Variants in PLAA observed in about 807,000 individuals in gnomAD.
PLAA encodes the protein phospholipase A-2-activating protein.
Under a neutral mutation model 84.1 loss-of-function variants are expected in PLAA, and 48 were observed. The ratio of observed to expected loss-of-function variants is 0.57; its 90% CI spans 0.45 to 0.73. The LOEUF (loss-of-function observed/expected upper bound fraction) is 0.73. Ranked by LOEUF, PLAA falls within the 30% of genes least tolerant of loss-of-function variation. The pLI is 0.00. For missense variants in PLAA, 903 were observed against 954.7 expected, an observed-to-expected ratio of 0.95 and a Z score of 0.71; for synonymous variants, 392 against 336.6, an observed-to-expected ratio of 1.16 and a Z score of -1.80.
Position 26,947,091 on chromosome 9 carries a change from C to T in PLAA, c.-46G>A. The T allele has an allele frequency of 1.4e-6, 2 of 1,474,016 alleles. No individual in the cohort carries two copies. The highest frequency in any genetic ancestry group is 1.4e-5 in the South Asian group (1 of 73,882). The allele number at this position is 1,474,016 out of a possible 1,614,324, so 91.3% of individuals were successfully genotyped here. On this transcript the variant is annotated 5_prime_UTR_variant, in exon 1 of 14. Transcript: ENST00000397292. ...CCGGTGCCCAGGCACTGTGCGAGAC[C>T]AGTCCGCAGGGGCGACTCGGAGAGC... is the stretch of plus-strand genomic sequence containing the variant.
Position 26,905,167 on chromosome 9 carries a change from T to G in PLAA, c.*344A>C, listed in dbSNP as rs569829672. 9.7e-6 allele frequency: 2 copies of G among 205,412 alleles called. No individual in the cohort carries two copies. The highest frequency in any genetic ancestry group is 4.7e-5 in the African/African-American group (2 of 42,788). The allele number at this position is 205,412 out of a possible 1,614,324, so 12.7% of individuals were successfully genotyped here. A position where few individuals can be genotyped will look rare whatever the true frequency, so the allele number is the denominator to read the frequency against. ...ATAAAAGATAATTGACAACAACAGT[T>G]TGGTGTACATTAAGTAATAAAAGCA... On this transcript the variant is annotated 3_prime_UTR_variant, in exon 14 of 14. Coordinates refer to ENST00000397292, the MANE Select transcript of PLAA (RefSeq NM_001031689.3).
chr9:26,926,435 T>C lies in PLAA; in HGVS notation c.691A>G (p.Thr231Ala). 1 of 1,609,298 alleles carries C rather than the reference T, an allele frequency of 6.2e-7. No homozygotes were observed. The highest frequency in any genetic ancestry group is 8.5e-7 in the Non-Finnish European group (1 of 1,175,866). The change falls in exon 5 of 14, where the codon ACA becomes GCA. Residue 231 changes from threonine (T) to alanine (A), a missense_variant. Thr to Ala is a moderately conservative substitution (Grantham distance 58, BLOSUM62 0). Coordinates refer to ENST00000397292, the MANE Select transcript of PLAA (RefSeq NM_001031689.3). ...ACGGATATGCTATAAATATAATTTG[T>C]ATGTCCATAATATACTTCAAGACAC... ...GECLEVYYGH[T>A]NYIYSISVFP...
At chr9:26,913,376 A>T (rs906227617) in intron 11 of PLAA, among the ~76,000 whole-genome samples, 1 of 152,192 alleles carries the variant, frequency 6.6e-6, no homozygotes, top group African/African-American at 2.4e-5. Flanking sequence ...TGCTCAGAAG[A>T]ACTATAGCTA....
chr9:26,914,621 C>T (rs1332839489), intron 10 of PLAA, among the ~76,000 whole-genome samples: 2 of 150,262 alleles, frequency 1.3e-5, no homozygotes, highest in Non-Finnish European at 3.0e-5. Context: ...ATGAGAAACA[C>T]AGAATAAATG....
At position 26,935,830 on chromosome 9, in the gene PLAA, T is replaced by G. The variant is rs1825340653; in HGVS notation, c.150-624A>C. 2.0e-5 allele frequency among the ~76,000 whole-genome samples: 3 copies of G among 151,116 alleles called. No individual in the cohort carries two copies. The South Asian group carries it at 6.2e-4, about 31-fold the overall frequency. On this transcript the variant is annotated intron_variant, in intron 1 of 13. Coordinates refer to ENST00000397292, the MANE Select transcript of PLAA (RefSeq NM_001031689.3). The stretch of plus-strand genomic sequence containing the variant: ...AAAAAAACCCCACCTAATACAGAAA[T>G]ATATAAATGGCTAGAGTAATATTAT...
In PLAA at chr9:26,904,833, A is replaced by G. The variant is rs1428939141; in HGVS notation, c.*678T>C. On this transcript the variant is annotated 3_prime_UTR_variant, in exon 14 of 14. Transcript: ENST00000397292. ...AAAAATGAAGTTACCTCAAATAGTG[A>G]AGGGCAAAAGAAACTGGATCTAAGC... The G allele has an allele frequency of 1.3e-5, 2 of 152,412 alleles. No homozygotes were observed. The highest frequency in any genetic ancestry group is 1.9e-4 in the East Asian group (1 of 5,198). 9.4% of individuals were successfully genotyped at this position (152,412 alleles called of 1,614,324 possible).
intron 13 of PLAA, among the ~76,000 whole-genome samples, chr9:26,906,433 T>C (rs576953569): frequency 1.3e-5 from 2 of 148,390 alleles, no homozygotes; most frequent in East Asian, 4.0e-4. Flanking sequence ...CTTTTTTTTT[T>C]TTTTTTTTTT....
At chr9:26,920,452 A>C in intron 7 of PLAA, 68 bp from the exon 8 acceptor site, 1 of 1,034,754 alleles carries the variant, frequency 9.7e-7, no homozygotes, top group Non-Finnish European at 1.4e-6. Flanking sequence ...TTTAAATAGA[A>C]AATTCTTAAC....
intron 2 of PLAA, among the ~76,000 whole-genome samples, chr9:26,929,320 A>G (rs10757634): frequency 0.33 from 50,369 of 151,870 alleles, 9,627 homozygotes; most frequent in East Asian, 0.7. Context: ...GTGAGACTCC[A>G]GCTCTAAAAC....
chr9:26,931,655 G>A (rs533626990), intron 2 of PLAA, among the ~76,000 whole-genome samples: 1 of 152,104 alleles, frequency 6.6e-6, no homozygotes, highest in South Asian at 2.1e-4. Context: ...AAGGAAACAA[G>A]GCTTTAACCA....
At position 26,905,610 on chromosome 9, in the gene PLAA, G is replaced by A; in HGVS notation, c.2289C>T (p.Ala763=). The change falls in exon 14 of 14, where the codon GCC becomes GCT. Residue 763 remains alanine, a synonymous_variant. Transcript: ENST00000397292. ...ISDDSNAVQL[A]KSLGVDSQIK... ...TTTGAGAATCAACACCTAAAGACTT[G>A]GCTAATTGTACAGCATTTGAATCAT... The A allele has an allele frequency of 6.2e-7, 1 of 1,613,880 alleles. No homozygotes were observed. Among genetic ancestry groups the A allele is most frequent in the East Asian group, 2.2e-5 (1 of 44,868 alleles).
chr9:26,905,069 G>C lies in PLAA; in HGVS notation c.*442C>G, dbSNP rs1348758737. The C allele has an allele frequency of 6.6e-6, 1 of 152,282 alleles. No homozygotes were observed. 9.4% of individuals were successfully genotyped at this position (152,282 alleles called of 1,614,324 possible). A position where few individuals can be genotyped will look rare whatever the true frequency, so the allele number is the denominator to read the frequency against. ...ATATAATTTAAAAAATTTTAAAGTA[G>C]TTATCCTAAAACAAGACCTTGAAAT... On this transcript the variant is annotated 3_prime_UTR_variant, in exon 14 of 14. Coordinates refer to ENST00000397292, the MANE Select transcript of PLAA (RefSeq NM_001031689.3).
intron 7 of PLAA, 22 bp from the exon 8 acceptor site, chr9:26,920,406 A>C: frequency 6.5e-7 from 1 of 1,532,508 alleles, no homozygotes; most frequent in Non-Finnish European, 8.9e-7. Context: ...AATTTTAAGA[A>C]TCAAAGGTAG....
At chr9:26,945,983 A>G (rs1213935845) in intron 1 of PLAA, among the ~76,000 whole-genome samples, 4 of 152,136 alleles carry the variant, frequency 2.6e-5, no homozygotes, top group Admixed American at 2.6e-4. Flanking sequence ...TCCCCATCAG[A>G]CTGTAAGAAA....
At chr9:26,933,468 A>G (rs1480939044) in intron 2 of PLAA, among the ~76,000 whole-genome samples, 1 of 151,786 alleles carries the variant, frequency 6.6e-6, no homozygotes, top group Non-Finnish European at 1.5e-5. Context: ...ATTAAAATTA[A>G]AATTAAAAAA....
chr9:26,944,663 C>A (rs1170635103), intron 1 of PLAA, among the ~76,000 whole-genome samples: 1 of 152,214 alleles, frequency 6.6e-6, no homozygotes, highest in African/African-American at 2.4e-5. Context: ...GCCACTCTTA[C>A]AGCCACCCAT....
chr9:26,927,808 A>G (rs1239199684), intron 4 of PLAA, among the ~76,000 whole-genome samples: 1 of 152,224 alleles, frequency 6.6e-6, no homozygotes, highest in African/African-American at 2.4e-5. Flanking sequence ...ACAACCAAAA[A>G]TATAACTATA....
chr9:26,906,513 C>T (rs1452414404), intron 13 of PLAA, among the ~76,000 whole-genome samples: 1 of 150,990 alleles, frequency 6.6e-6, no homozygotes, highest in Non-Finnish European at 1.5e-5. Context: ...CTGCAACCTC[C>T]ACCTCCCGGG....
chr9:26,917,209 C>A, intron 9 of PLAA, 44 bp from the exon 10 acceptor site: 1 of 1,526,168 alleles, frequency 6.6e-7, no homozygotes, highest in South Asian at 1.1e-5. Context: ...CACCAAAGTT[C>A]TGAATTTTTC....
Sources: gnomAD v4.1 joint callset for allele counts (sites outside exome capture counted in the v4.1 genomes callset) on GRCh38, gnomAD v4.1.1 for gene constraint, MANE v1.5 for transcripts, NCBI Gene and HGNC (gene_info 2026-07-23, HGNC 2026-07-21) for gene names.